NDST4: variants seen among roughly 807,000 people sequenced by gnomAD.
The protein encoded by NDST4 is N-deacetylase and N-sulfotransferase 4.
A neutral mutation model predicts 100.8 loss-of-function variants in NDST4; 63 were observed. The ratio of observed to expected loss-of-function variants is 0.62; its 90% CI spans 0.51 to 0.77. The LOEUF is 0.77. Among genes scored for constraint, NDST4 ranks in the 30% least tolerant of loss-of-function variants. The probability of loss-of-function intolerance (pLI) is 0.00; values close to 1 mark genes in which losing one functional copy is unlikely to be tolerated. For missense variants in NDST4, 943 were observed against 1,018.4 expected (o/e 0.93, Z 1.01); for synonymous variants, 377 against 361.8 (o/e 1.04, Z -0.48).
chr4:114,995,956 C>G (rs1407455259), intron 2 of NDST4, among the ~76,000 whole-genome samples: 2 of 151,992 alleles, frequency 1.3e-5, no homozygotes, highest in Non-Finnish European at 2.9e-5. Context: ...AAGTCATATG[C>G]AATATGCATA....
At chr4:115,096,030 T>C (rs1729614855) in intron 1 of NDST4, among the ~76,000 whole-genome samples, 1 of 152,014 alleles carries the variant, frequency 6.6e-6, no homozygotes. Context: ...ACAATCCCCC[T>C]TACCCAGTTT....
intron 2 of NDST4, among the ~76,000 whole-genome samples, chr4:115,042,647 A>G (rs1728375936): frequency 6.6e-6 from 1 of 152,066 alleles, no homozygotes; most frequent in African/African-American, 2.4e-5. Flanking sequence ...AGTGTAGTAT[A>G]TATAGAGAGA....
intron 11 of NDST4, 133 bp downstream of exon 11, chr4:114,839,245 T>A: frequency 1.4e-6 from 1 of 703,938 alleles, no homozygotes; most frequent in African/African-American, 1.8e-5. Context: ...CAATGTTAAT[T>A]CCCATTTTCT....
chr4:114,858,098 G>A (rs941890320), intron 7 of NDST4, among the ~76,000 whole-genome samples: 2 of 152,142 alleles, frequency 1.3e-5, no homozygotes, highest in African/African-American at 4.8e-5. Context: ...AGCCATGCAT[G>A]GACCTCTTTC....
chr4:115,038,854 TG>T (rs2126273072), intron 2 of NDST4, among the ~76,000 whole-genome samples: 1 of 152,264 alleles, frequency 6.6e-6, no homozygotes, highest in Admixed American at 6.5e-5. Flanking sequence ...CCCATGCCTG[TG>T]GTCCCAGCTG....
chr4:115,103,069 G>T (rs1729765748), intron 1 of NDST4, among the ~76,000 whole-genome samples: 1 of 151,892 alleles, frequency 6.6e-6, no homozygotes, highest in African/African-American at 2.4e-5. Context: ...CAAAAATTTG[G>T]ATCATTTTTG....
At chr4:114,974,167 T>C (rs1031138369) in intron 3 of NDST4, among the ~76,000 whole-genome samples, 8 of 151,940 alleles carry the variant, frequency 5.3e-5, no homozygotes, top group Non-Finnish European at 1.2e-4. Context: ...GCACAGAAAA[T>C]TTAAGTAAAC....
chr4:115,099,672 G>A (rs1050612111), intron 1 of NDST4, among the ~76,000 whole-genome samples: 1 of 152,112 alleles, frequency 6.6e-6, no homozygotes, highest in African/African-American at 2.4e-5. Context: ...ACTAAATGCT[G>A]GGGAGGACAT....
chr4:114,841,408 G>A (rs1723420304), intron 10 of NDST4, among the ~76,000 whole-genome samples: 1 of 152,196 alleles, frequency 6.6e-6, no homozygotes, highest in African/African-American at 2.4e-5. Flanking sequence ...GAAATGTGGA[G>A]CAGTGTGGGG....
At chr4:115,014,956 C>G (rs1269687067) in intron 2 of NDST4, among the ~76,000 whole-genome samples, 1 of 152,036 alleles carries the variant, frequency 6.6e-6, no homozygotes, top group Non-Finnish European at 1.5e-5. Flanking sequence ...ATGAACAGTT[C>G]TAGGTTAAGT....
intron 4 of NDST4, among the ~76,000 whole-genome samples, chr4:114,958,842 C>T (rs1016637030): frequency 5.9e-5 from 9 of 152,162 alleles, no homozygotes; most frequent in African/African-American, 1.9e-4. Flanking sequence ...ATTTTCTAAA[C>T]TTTTATGCTC....
At chr4:114,947,962 G>A (rs1028835729) in intron 4 of NDST4, among the ~76,000 whole-genome samples, 2 of 151,972 alleles carry the variant, frequency 1.3e-5, no homozygotes, top group African/African-American at 4.8e-5. Flanking sequence ...TGTCCTTTTC[G>A]AAGCTGTCTA....
chr4:114,932,247 T>C (rs1725530772), intron 6 of NDST4, among the ~76,000 whole-genome samples: 1 of 151,786 alleles, frequency 6.6e-6, no homozygotes, highest in African/African-American at 2.4e-5. Flanking sequence ...ATGACAAAAA[T>C]CATATGATCA....
At chr4:115,074,552 A>C (rs1729141293) in intron 2 of NDST4, among the ~76,000 whole-genome samples, 1 of 152,120 alleles carries the variant, frequency 6.6e-6, no homozygotes, top group African/African-American at 2.4e-5. Context: ...GATAGAACTC[A>C]ATTGCGGTCA....
intron 6 of NDST4, among the ~76,000 whole-genome samples, chr4:114,879,726 C>T (rs550955661): frequency 2.2e-4 from 33 of 152,162 alleles, no homozygotes; most frequent in Non-Finnish European, 3.8e-4. Context: ...CACTTCTTTG[C>T]CAGTAGAAAA....
chr4:114,964,012 G>C (rs1424710254), intron 4 of NDST4, among the ~76,000 whole-genome samples: 1 of 152,132 alleles, frequency 6.6e-6, no homozygotes, highest in African/African-American at 2.4e-5. Flanking sequence ...CTTCTGAAGA[G>C]TATATGGTAT....
At chr4:115,038,467 T>A (rs75841502) in intron 2 of NDST4, among the ~76,000 whole-genome samples, 14,361 of 151,978 alleles carry the variant, frequency 0.094, 2,086 homozygotes, top group African/African-American at 0.31. Context: ...AGCCTGGGGA[T>A]AAACAGCCTA....
intron 2 of NDST4, among the ~76,000 whole-genome samples, chr4:115,037,225 T>C (rs780059866): frequency 1.7e-4 from 26 of 152,160 alleles, no homozygotes; most frequent in Non-Finnish European, 3.4e-4. Flanking sequence ...CTGGTGAACA[T>C]TGGTAGAGAC....
intron 4 of NDST4, among the ~76,000 whole-genome samples, chr4:114,969,192 T>C (rs1271194057): frequency 6.6e-6 from 1 of 150,852 alleles, no homozygotes; most frequent in Non-Finnish European, 1.5e-5. Flanking sequence ...CGGGCGCCTG[T>C]AGTCCCAGCT....
Sources: gnomAD v4.1 joint callset for allele counts (sites outside exome capture counted in the v4.1 genomes callset) on GRCh38, gnomAD v4.1.1 for gene constraint, MANE v1.5 for transcripts, NCBI Gene and HGNC (gene_info 2026-07-23, HGNC 2026-07-21) for gene names.